The following KCNJ16 variants were observed in gnomAD, a reference collection of about 807,000 sequenced individuals.
KCNJ16 encodes inward rectifier potassium channel 16.
KCNJ16 carries 15 observed loss-of-function variants against 18.5 expected under a neutral mutation model. The observed-to-expected ratio is 0.81, with a 90% CI of 0.54 to 1.25. The LOEUF (loss-of-function observed/expected upper bound fraction) is 1.25, where lower values mean the gene tolerates loss of function less well. Ranked by LOEUF, KCNJ16 falls within the 50% of genes most tolerant of loss-of-function variation. The pLI is 0.00. For missense variants in KCNJ16, 523 were observed against 525.7 expected (o/e 0.99, Z 0.05); for synonymous variants, 174 against 186.5 (o/e 0.93, Z 0.55).
intron 1 of KCNJ16, among the ~76,000 whole-genome samples, chr17:70,088,942 T>C (rs887530837): frequency 1.3e-5 from 2 of 152,176 alleles, no homozygotes; most frequent in Middle Eastern, 3.2e-3. Flanking sequence ...CAATTTAAAA[T>C]TGAATTTAAA....
rs1229402528 is a variant in KCNJ16, at chr17:70,133,106, G to T, written c.1019G>T (p.Ser340Ile). The T allele has an allele frequency of 1.2e-6, 2 of 1,614,060 alleles. No homozygotes were observed. Among genetic ancestry groups the T allele is most frequent in the Admixed American group, 3.3e-5 (2 of 59,992 alleles). The change falls in exon 4 of 4, where the codon AGT (serine) becomes ATT (isoleucine). Residue 340 changes from serine (S) to isoleucine (I), a missense_variant. Coordinates refer to ENST00000392671, the MANE Select transcript of KCNJ16 (RefSeq NM_170741.4). ...GSVEVYAPFC[S>I]AKQLDWKDQQ... ...GTGGAAGTATATGCCCCCTTTTGCA[G>T]TGCCAAGCAATTGGACTGGAAAGAC... is the stretch of plus-strand genomic sequence containing the variant.
chr17:70,123,241 T>C (rs1234392751), intron 2 of KCNJ16, among the ~76,000 whole-genome samples: 4 of 151,516 alleles, frequency 2.6e-5, no homozygotes, highest in Non-Finnish European at 5.9e-5. Flanking sequence ...TTGGAAAGCA[T>C]GTCCTATGCA....
rs911809586 is a variant in KCNJ16 at position 70,088,164 on chromosome 17, G to T, written c.-299-12494G>T. ...TGTGATACAGAGCTTTTAGGGCAGCGGTTTCCAACCCTTTTGGCACCAGAT... is the reference window on the plus strand; with the variant it reads ...TGTGATACAGAGCTTTTAGGGCAGCTGTTTCCAACCCTTTTGGCACCAGAT... On this transcript the variant is annotated intron_variant, in intron 1 of 3. Transcript: ENST00000392671. Among the ~76,000 whole-genome samples, 4 of 152,086 alleles carry T rather than the reference G, an allele frequency of 2.6e-5. No individual in the cohort carries two copies. The East Asian group carries it at 7.7e-4, about 29-fold the overall frequency.
At chr17:70,075,913 T>C (rs2071286164) in intron 1 of KCNJ16, among the ~76,000 whole-genome samples, 1 of 152,102 alleles carries the variant, frequency 6.6e-6, no homozygotes, top group Non-Finnish European at 1.5e-5. Flanking sequence ...TATTTTAACA[T>C]AAATTGAAAG....
At chr17:70,091,851 G>A (rs914822751) in intron 1 of KCNJ16, among the ~76,000 whole-genome samples, 2 of 151,994 alleles carry the variant, frequency 1.3e-5, no homozygotes, top group African/African-American at 4.8e-5. Context: ...ACATTTAATC[G>A]GGGAGTGTGG....
chr17:70,115,587 T>C (rs2073369507), intron 2 of KCNJ16, among the ~76,000 whole-genome samples: 1 of 152,104 alleles, frequency 6.6e-6, no homozygotes, highest in Non-Finnish European at 1.5e-5. Context: ...GAAATAAAGG[T>C]ATTAACAGTT....
chr17:70,126,680 ATTTT>A (rs1467946009), intron 2 of KCNJ16, among the ~76,000 whole-genome samples: 2 of 152,192 alleles, frequency 1.3e-5, no homozygotes, highest in Admixed American at 1.3e-4. Context: ...ACCGAAAACC[ATTTT>A]ATTTTAGACT....
Position 70,132,969 on chromosome 17 carries a change from A to G in KCNJ16, c.882A>G (p.Gln294=). 1 of 1,614,182 alleles carries G rather than the reference A, an allele frequency of 6.2e-7. No homozygotes were observed. The change falls in exon 4 of 4, where the codon CAA becomes CAG. Residue 294 remains glutamine (Q), a synonymous_variant. Coordinates refer to ENST00000392671, the MANE Select transcript of KCNJ16 (RefSeq NM_170741.4). ...YTGDSTGTSH[Q]SRSSYVPREI... is the part of the protein sequence containing the mutation. ...GTGATTCCACTGGAACATCTCACCA[A>G]TCTAGAAGCTCCTATGTTCCCCGAG...
chr17:70,119,019 A>C (rs934303070), intron 2 of KCNJ16, among the ~76,000 whole-genome samples: 2 of 152,336 alleles, frequency 1.3e-5, no homozygotes, highest in East Asian at 3.9e-4. Context: ...GCGTTGGATA[A>C]ACATTCCCAT....
At chr17:70,097,341 G>C (rs550316988) in intron 1 of KCNJ16, among the ~76,000 whole-genome samples, 8 of 151,248 alleles carry the variant, frequency 5.3e-5, no homozygotes, top group African/African-American at 1.9e-4. Context: ...GTTTTTGTTA[G>C]AAAGGCCATT....
chr17:70,108,126 C>T (rs550853411), intron 2 of KCNJ16, among the ~76,000 whole-genome samples: 3 of 152,252 alleles, frequency 2.0e-5, no homozygotes, highest in Admixed American at 6.5e-5. Context: ...ACAGAGTATT[C>T]GTAACTGCAT....
intron 2 of KCNJ16, among the ~76,000 whole-genome samples, chr17:70,120,974 G>C (rs570426575): frequency 6.6e-6 from 1 of 152,194 alleles, no homozygotes; most frequent in Non-Finnish European, 1.5e-5. Context: ...AGGGAGAAGA[G>C]AGTGGGGATG....
At chr17:70,106,937 C>A (rs1034134534) in intron 2 of KCNJ16, among the ~76,000 whole-genome samples, 1 of 152,096 alleles carries the variant, frequency 6.6e-6, no homozygotes, top group African/African-American at 2.4e-5. Context: ...TAGGCCACCC[C>A]CTTAATAGGC....
intron 2 of KCNJ16, among the ~76,000 whole-genome samples, chr17:70,129,712 A>G (rs1409223410): frequency 6.6e-6 from 1 of 152,156 alleles, no homozygotes; most frequent in Non-Finnish European, 1.5e-5. Flanking sequence ...TGTAACTTGT[A>G]CCTCTCAAAT....
chr17:70,082,052 C>T (rs2071578532), intron 1 of KCNJ16, among the ~76,000 whole-genome samples: 1 of 152,128 alleles, frequency 6.6e-6, no homozygotes, highest in African/African-American at 2.4e-5. Context: ...TGCAGTGACT[C>T]GTTCTGTTGG....
At chr17:70,106,182 A>G (rs879767130) in intron 2 of KCNJ16, among the ~76,000 whole-genome samples, 6 of 152,182 alleles carry the variant, frequency 3.9e-5, no homozygotes, top group Non-Finnish European at 5.9e-5. Flanking sequence ...AGTCAGGATG[A>G]TCTGTCTCGT....
intron 2 of KCNJ16, among the ~76,000 whole-genome samples, chr17:70,129,955 CAGA>C (rs2074001864): frequency 6.7e-6 from 1 of 149,634 alleles, no homozygotes; most frequent in Non-Finnish European, 1.5e-5. Context: ...TATTTTTTGG[CAGA>C]AGAAAAGAGC....
At chr17:70,128,201 G>A (rs1598181435) in intron 2 of KCNJ16, 1 of 152,168 alleles carries the variant, frequency 6.6e-6, no homozygotes, top group Non-Finnish European at 1.5e-5. Context: ...TTGTTATGTT[G>A]AGAATGTTCC....
chr17:70,079,534 T>C (rs1290892656), intron 1 of KCNJ16, among the ~76,000 whole-genome samples: 1 of 152,166 alleles, frequency 6.6e-6, no homozygotes, highest in Non-Finnish European at 1.5e-5. Flanking sequence ...TCTTTTGCCA[T>C]CCAGTTATTA....
Sources: allele counts gnomAD v4.1 joint callset (sites outside exome capture counted in the v4.1 genomes callset), GRCh38; gene constraint gnomAD v4.1.1; transcripts MANE v1.5; gene names NCBI Gene and HGNC (gene_info 2026-07-23, HGNC 2026-07-21).